Variants in LRPPRC observed in about 807,000 individuals in gnomAD.
LRPPRC encodes the protein leucine rich pentatricopeptide repeat containing.
A neutral mutation model predicts 180.3 loss-of-function variants in LRPPRC; 120 were observed. That is an observed-to-expected ratio of 0.67 (90% CI 0.57 to 0.77). The LOEUF is 0.77. Among genes scored for constraint, LRPPRC ranks in the 30% least tolerant of loss-of-function variants. LRPPRC has a pLI of 0.00. For synonymous variants in LRPPRC, 723 were observed against 600.0 expected (o/e 1.21, Z -3.00); for missense variants, 2,012 against 1,657.2 (o/e 1.21, Z -3.72).
intron 30 of LRPPRC, among the ~76,000 whole-genome samples, chr2:43,910,083 C>T (rs1671203360): frequency 6.6e-6 from 1 of 152,100 alleles, no homozygotes; most frequent in South Asian, 2.1e-4. Flanking sequence ...TTCATTGAAA[C>T]AATGTTGGTT....
At chr2:43,991,366 T>C (rs1674772613) in intron 1 of LRPPRC, among the ~76,000 whole-genome samples, 5 of 152,142 alleles carry the variant, frequency 3.3e-5, no homozygotes. Flanking sequence ...GCAGAAGATT[T>C]TTCTAAAATG....
intron 21 of LRPPRC, 94 bp downstream of exon 21, chr2:43,946,019 T>C: frequency 7.7e-7 from 1 of 1,293,964 alleles, no homozygotes; most frequent in Non-Finnish European, 1.1e-6. Flanking sequence ...AAAAATGACA[T>C]TATATAAGAG....
intron 18 of LRPPRC, 34 bp downstream of exon 18, chr2:43,948,088 C>G: frequency 7.7e-7 from 1 of 1,301,082 alleles, no homozygotes. Context: ...GTAAGTTAAG[C>G]ATTTTATCCA....
In LRPPRC at chr2:43,977,252, T is replaced by C. The variant is rs773895155; in HGVS notation, c.494A>G (p.Tyr165Cys). 4.4e-6 allele frequency: 7 copies of C among 1,601,380 alleles called. No individual in the cohort carries two copies. Among genetic ancestry groups the C allele is most frequent in the Non-Finnish European group, 6.0e-6 (7 of 1,168,664 alleles). ...KLGAVYDVSH[Y>C]NALLKVYLQN... ...AAGATAGACTTTAAGTAAAGCATTA[T>C]AGTGACTCACATCATACACAGCACC... The change falls in exon 4 of 38, where the codon TAT (tyrosine) becomes TGT (cysteine). Residue 165 changes from tyrosine (Y) to cysteine (C), a missense_variant. Physicochemically the swap from Tyr to Cys is radical, Grantham distance 194. Transcript: ENST00000260665.
intron 14 of LRPPRC, among the ~76,000 whole-genome samples, chr2:43,956,516 G>GTGTGTGTGT (rs1673123332): frequency 1.2e-5 from 1 of 85,074 alleles, no homozygotes; most frequent in South Asian, 5.2e-4. Context: ...TGTGTGTGTA[G>GTGTGTGTGT]GTACTTTCTT....
chr2:43,948,484 G>T lies in LRPPRC; in HGVS notation c.1770C>A (p.Asp590Glu). 6 of 1,610,060 alleles carry T rather than the reference G, an allele frequency of 3.7e-6. No individual in the cohort carries two copies. The highest frequency in any genetic ancestry group is 5.1e-6 in the Non-Finnish European group (6 of 1,176,374). ...CCTGTACCTCTGAGTCACTCATGCTGTCAATCAAGTTATAAAGAAAATAGC... is the reference window on the plus strand; with the variant it reads ...CCTGTACCTCTGAGTCACTCATGCTTTCAATCAAGTTATAAAGAAAATAGC... The part of the protein sequence containing the change: ...AVGYFLYNLI[D>E]SMSDSEVQAK... Residue 590 changes from aspartate (D) to glutamate (E), a missense_variant, in exon 17 of 38, where the codon GAC becomes GAA. Asp to Glu is a conservative substitution (Grantham distance 45, BLOSUM62 2). Coordinates refer to ENST00000260665, the MANE Select transcript of LRPPRC (RefSeq NM_133259.4).
chr2:43,913,058 C>A (rs918055479), intron 29 of LRPPRC, among the ~76,000 whole-genome samples: 1 of 152,054 alleles, frequency 6.6e-6, no homozygotes, highest in African/African-American at 2.4e-5. Flanking sequence ...GAGAATATAG[C>A]CTATAATTCT....
rs373011028 is a variant in LRPPRC at position 43,948,162 on chromosome 2, C to T, written c.1880G>A (p.Arg627His). Residue 627 changes from arginine to histidine, a missense_variant, in exon 18 of 38, where the codon CGT becomes CAT. Arg to His is a conservative substitution (Grantham distance 29). Coordinates refer to ENST00000260665, the MANE Select transcript of LRPPRC (RefSeq NM_133259.4). ...AACATGGTAGCTTTCCAGGAGATTACGAATGCCTCTGTAGATATTTTCAGG... is the reference window on the plus strand; with the variant it reads ...AACATGGTAGCTTTCCAGGAGATTATGAATGCCTCTGTAGATATTTTCAGG... ...KIPENIYRGI[R>H]NLLESYHVPE... is the part of the protein sequence containing the mutation. The T allele has an allele frequency of 6.9e-5, 111 of 1,606,918 alleles. No homozygotes were observed. The highest frequency in any genetic ancestry group is 1.6e-4 in the Middle Eastern group (1 of 6,070).
chr2:43,899,294 AATTG>A lies in LRPPRC; in HGVS notation c.3746_3749del (p.Ala1249ValfsTer55). On this transcript the variant is annotated frameshift_variant, in exon 34 of 38. Coordinates refer to ENST00000260665, the MANE Select transcript of LRPPRC (RefSeq NM_133259.4). LOFTEE classifies it high-confidence loss of function. ...GGAAAAAATCAGTGACAGGTTTATA[AATTG>A]CAAACTGATTGGCCAATCTCTCCGC... 1 of 1,614,144 alleles carries A rather than the reference AATTG, an allele frequency of 6.2e-7. No homozygotes were observed.
intron 34 of LRPPRC, 85 bp downstream of exon 34, chr2:43,899,134 C>G: frequency 1.1e-6 from 1 of 882,468 alleles, no homozygotes. Flanking sequence ...TTCTAGTATT[C>G]CACCACACGC....
At chr2:43,907,956 A>G (rs1293488747) in intron 30 of LRPPRC, among the ~76,000 whole-genome samples, 1 of 152,218 alleles carries the variant, frequency 6.6e-6, no homozygotes, top group African/African-American at 2.4e-5. Context: ...TACATGTAAA[A>G]ATATAGGCAT....
chr2:43,962,213 T>C (rs1032614862), intron 12 of LRPPRC, among the ~76,000 whole-genome samples: 5 of 152,138 alleles, frequency 3.3e-5, no homozygotes, highest in African/African-American at 7.2e-5. Flanking sequence ...GCTGTATTTC[T>C]GCAAAGAAAG....
intron 27 of LRPPRC, among the ~76,000 whole-genome samples, chr2:43,920,261 G>C (rs1419853914): frequency 6.6e-6 from 1 of 151,800 alleles, no homozygotes; most frequent in Non-Finnish European, 1.5e-5. Flanking sequence ...TCAGACTCCC[G>C]AGTAGCTGAG....
chr2:43,932,555 G>A (rs1420727500), intron 25 of LRPPRC, among the ~76,000 whole-genome samples: 1 of 152,114 alleles, frequency 6.6e-6, no homozygotes. Context: ...AAGTAATTAA[G>A]AGGCAGTCTT....
chr2:43,936,723 C>G (rs1361774141), intron 23 of LRPPRC, among the ~76,000 whole-genome samples: 1 of 152,126 alleles, frequency 6.6e-6, no homozygotes, highest in African/African-American at 2.4e-5. Context: ...TTACTAAGCC[C>G]TGTTTACAGT....
At chr2:43,908,298 T>C (rs936284432) in intron 30 of LRPPRC, among the ~76,000 whole-genome samples, 2 of 152,148 alleles carry the variant, frequency 1.3e-5, no homozygotes, top group African/African-American at 4.8e-5. Flanking sequence ...TTGAAAGAAT[T>C]CACTACAGAT....
At chr2:43,977,661 T>A (rs1276989665) in intron 3 of LRPPRC, among the ~76,000 whole-genome samples, 2 of 152,190 alleles carry the variant, frequency 1.3e-5, no homozygotes, top group Non-Finnish European at 2.9e-5. Flanking sequence ...TAACTTCAGT[T>A]CTTTCACACA....
chr2:43,955,239 G>A (rs779050942), intron 14 of LRPPRC, among the ~76,000 whole-genome samples: 5 of 152,048 alleles, frequency 3.3e-5, no homozygotes, highest in African/African-American at 4.8e-5. Flanking sequence ...AGGCAGAGGT[G>A]GCAGGATCAC....
Position 43,934,830 on chromosome 2 carries a change from C to T in LRPPRC, c.2553G>A (p.Lys851=), listed in dbSNP as rs139434328. The T allele has an allele frequency of 1.9e-6, 3 of 1,612,674 alleles. No homozygotes were observed. Among genetic ancestry groups the T allele is most frequent in the South Asian group, 2.2e-5 (2 of 91,036 alleles). ...ALEVAIDCYE[K]YKVLPRIHDV... ...CATGAATCCTTGGTAATACTTTATA[C>T]TTTTCATAGCAGTCAATGGCGACCT... The change falls in exon 24 of 38, where the codon AAG becomes AAA. Residue 851 remains lysine, a synonymous_variant. Transcript: ENST00000260665.
Sources: allele counts gnomAD v4.1 joint callset (sites outside exome capture counted in the v4.1 genomes callset), GRCh38; gene constraint gnomAD v4.1.1; transcripts MANE v1.5; gene names NCBI Gene and HGNC (gene_info 2026-07-23, HGNC 2026-07-21).